Variants in UNK observed in about 807,000 individuals in gnomAD.
The protein encoded by UNK is unk zinc finger, also known as RING finger protein unkempt homolog.
A neutral mutation model predicts 97.6 loss-of-function variants in UNK; 32 were observed. The observed-to-expected ratio is 0.33, with a 90% CI of 0.25 to 0.44. The LOEUF is 0.44. Ranked by LOEUF, UNK falls within the 20% of genes least tolerant of loss-of-function variation. The pLI is 1.00. For synonymous variants in UNK, 441 were observed against 461.2 expected, an observed-to-expected ratio of 0.96 and a Z score of 0.56; for missense variants, 771 against 1,098.4, an observed-to-expected ratio of 0.70 and a Z score of 4.21.
At chr17:75,793,491 G>A (rs1431191875) in intron 1 of UNK, 2 of 985,194 alleles carry the variant, frequency 2.0e-6, no homozygotes, top group African/African-American at 1.7e-5. Context: ...AGGAGAAGAT[G>A]GAAAGGAGTC....
At chr17:75,808,793 CCAGGGG>C (rs1234145885) in intron 1 of UNK, among the ~76,000 whole-genome samples, 2 of 152,060 alleles carry the variant, frequency 1.3e-5, no homozygotes, top group African/African-American at 4.8e-5. Context: ...CCTTCTGGGG[CCAGGGG>C]CAGGGGAGCC....
In UNK at chr17:75,813,071, TG is replaced by T; in HGVS notation, c.623-6del. The T allele has an allele frequency of 6.3e-7, 1 of 1,584,134 alleles. No homozygotes were observed. Among genetic ancestry groups the T allele is most frequent in the Non-Finnish European group, 8.6e-7 (1 of 1,165,046 alleles). Reference sequence around the variant, plus strand: ...ACCTGACCCCTGCCCTCTGGCCCCCTGTGCAGAGACTGCTTATGTGCTGGGG... The same window carrying T: ...ACCTGACCCCTGCCCTCTGGCCCCCTTGCAGAGACTGCTTATGTGCTGGGG... On this transcript the variant is annotated splice_region_variant and splice_polypyrimidine_tract_variant and intron_variant, in intron 4 of 15. Coordinates refer to ENST00000589666, the MANE Select transcript of UNK (RefSeq NM_001080419.3).
rs1242653280 is a variant in UNK at position 75,818,569 on chromosome 17, C to T, written c.1372-73C>T. On this transcript the variant is annotated intron_variant, in intron 10 of 15. Coordinates refer to ENST00000589666, the MANE Select transcript of UNK (RefSeq NM_001080419.3). The surrounding 1 kb of genome is among the most constrained non-coding windows in gnomAD (Gnocchi z 5.1). The stretch of plus-strand genomic sequence containing the variant: ...CGGGCCATTTCCCTTGCCCCCAGCC[C>T]CTCTCCAGCCTCTCGTCCTGGCCTC... The T allele has an allele frequency of 4.7e-6, 7 of 1,495,438 alleles. No individual in the cohort carries two copies. The South Asian group carries it at 5.3e-5, about 11-fold the overall frequency. 92.6% of individuals were successfully genotyped at this position (1,495,438 alleles called of 1,614,324 possible).
At chr17:75,805,810 ATGTGTGTGTGTGTGTG>A (rs61000364) in intron 1 of UNK, among the ~76,000 whole-genome samples, 9 of 145,402 alleles carry the variant, frequency 6.2e-5, no homozygotes, top group East Asian at 2.1e-4. Context: ...AAAAAGAAAA[ATGTGTGTGTGTGTGTG>A]TGTGTGTGTG....
chr17:75,792,531 T>C, intron 1 of UNK: 1 of 963,632 alleles, frequency 1.0e-6, no homozygotes, highest in Non-Finnish European at 1.2e-6. Flanking sequence ...TTAGCCTAAT[T>C]GCTAACAATG....
intron 13 of UNK, 142 bp from the exon 14 acceptor site, chr17:75,822,335 C>T: frequency 9.4e-7 from 1 of 1,066,112 alleles, no homozygotes; most frequent in Non-Finnish European, 1.3e-6. Flanking sequence ...CCTGTCCCTG[C>T]AAAATTCTCT....
chr17:75,803,746 C>G (rs2061884913), intron 1 of UNK, among the ~76,000 whole-genome samples: 1 of 152,176 alleles, frequency 6.6e-6, no homozygotes, highest in African/African-American at 2.4e-5. Flanking sequence ...CTGATGTGCC[C>G]TGCCGCGCAG....
intron 13 of UNK, 23 bp downstream of exon 13, chr17:75,820,131 CAGG>C: frequency 6.3e-7 from 1 of 1,591,198 alleles, no homozygotes; most frequent in Non-Finnish European, 8.6e-7. Context: ...GTGGTTCACT[CAGG>C]AGAACTGGGG....
rs199715367 is a variant in UNK, at chr17:75,812,608, C to T, written c.622+23C>T. 2.9e-3 allele frequency: 4,632 copies of T among 1,608,128 alleles called. 13 individuals carry two copies. Among genetic ancestry groups the T allele is most frequent in the Non-Finnish European group, 3.7e-3 (4,387 of 1,177,540 alleles). ...AAGGTACAGGCATCCACACCTCGGCCGCGCCCTCCCTATAATCCTGCTCAT... is the reference window on the plus strand; with the variant it reads ...AAGGTACAGGCATCCACACCTCGGCTGCGCCCTCCCTATAATCCTGCTCAT... On this transcript the variant is annotated intron_variant, in intron 4 of 15. Transcript: ENST00000589666.
At chr17:75,793,399 T>G in intron 1 of UNK, 1 of 984,682 alleles carries the variant, frequency 1.0e-6, no homozygotes. Context: ...TTTTATTATT[T>G]CTCTATAAAA....
intron 5 of UNK, 87 bp downstream of exon 5, chr17:75,813,300 A>T (rs2061987282): frequency 6.8e-7 from 1 of 1,470,540 alleles, no homozygotes; most frequent in Admixed American, 2.3e-5. Context: ...GCTCTCCGGG[A>T]GGAGGGGAGG....
At chr17:75,808,939 C>G (rs907769376) in intron 1 of UNK, 3 of 152,182 alleles carry the variant, frequency 2.0e-5, no homozygotes, top group African/African-American at 7.2e-5. Flanking sequence ...TTGGCTGTTA[C>G]ACATGCAGGG....
At chr17:75,806,045 G>C (rs937188405) in intron 1 of UNK, among the ~76,000 whole-genome samples, 2 of 150,610 alleles carry the variant, frequency 1.3e-5, no homozygotes, top group Middle Eastern at 3.2e-3. Context: ...AGAGATTGCA[G>C]TGAGCTGAGA....
chr17:75,786,811 C>T (rs2061716358), intron 1 of UNK, among the ~76,000 whole-genome samples: 2 of 152,054 alleles, frequency 1.3e-5, no homozygotes, highest in South Asian at 2.1e-4. Flanking sequence ...GAGCCGAGAT[C>T]GTGCCACTGC....
intron 1 of UNK, chr17:75,785,964 C>G (rs1331875849): frequency 1.3e-5 from 2 of 152,198 alleles, no homozygotes; most frequent in Non-Finnish European, 2.9e-5. Flanking sequence ...TTAAGTTGTT[C>G]AGTGAACGAA....
Position 75,815,254 on chromosome 17 carries a change from G to A in UNK, c.961+1G>A. ...TTCTGCGCCTTTGCCCACGTAGAAC[G>A]TATGCTGTTCCCATTGCCCCGGGGC... On this transcript the variant is annotated splice_donor_variant, in intron 7 of 15. Transcript: ENST00000589666. LOFTEE classifies it high-confidence loss of function. The A allele has an allele frequency of 6.2e-7, 1 of 1,612,360 alleles. No homozygotes were observed.
At position 75,824,078 on chromosome 17, in the gene UNK, A is replaced by G. The variant is rs1338574639; in HGVS notation, c.2278-184A>G. Among the ~76,000 whole-genome samples, 1 of 151,942 alleles carries G rather than the reference A, an allele frequency of 6.6e-6. No homozygotes were observed. The highest frequency in any genetic ancestry group is 1.5e-5 in the Non-Finnish European group (1 of 67,970). On this transcript the variant is annotated intron_variant, in intron 15 of 15. Transcript: ENST00000589666. This position sits in a 1 kb window ranked among gnomAD's most constrained non-coding sequence, Gnocchi z 4.9. The stretch of plus-strand genomic sequence containing the variant: ...GGGTGGGTCTTGTGGCAGCCTGGCC[A>G]TGCCCCATGCAGAGGTGGACTCAGC...
chr17:75,824,491 T>A lies in UNK; in HGVS notation c.*74T>A. On this transcript the variant is annotated 3_prime_UTR_variant, in exon 16 of 16. Transcript: ENST00000589666. The surrounding 1 kb of genome is among the most constrained non-coding windows in gnomAD (Gnocchi z 4.9). Reference sequence around the variant, plus strand: ...TTTAAAGTATATATATATATATGAATATATATATATATGTGTATGTATGTA... The same window carrying A: ...TTTAAAGTATATATATATATATGAAAATATATATATATGTGTATGTATGTA... 11 of 536,664 alleles carry A rather than the reference T, an allele frequency of 2.0e-5. No individual in the cohort carries two copies. Among genetic ancestry groups the A allele is most frequent in the Non-Finnish European group, 2.3e-5 (9 of 394,456 alleles). 33.2% of individuals were successfully genotyped at this position (536,664 alleles called of 1,614,324 possible).
At position 75,784,807 on chromosome 17, in the gene UNK, C is replaced by T. The variant is rs376773187; in HGVS notation, c.-74C>T. ...ACGTTCTCGTGGCGCGGCGCAGGCG[C>T]ACTGGGTCCTCGGCGCGGACCGCGC... On this transcript the variant is annotated 5_prime_UTR_variant, in exon 1 of 16. Transcript: ENST00000589666. 1.6e-5 allele frequency: 23 copies of T among 1,444,950 alleles called. No homozygotes were observed. In the African/African-American group the frequency reaches 3.1e-4, roughly 19 times the overall value. 89.5% of individuals were successfully genotyped at this position (1,444,950 alleles called of 1,614,324 possible).
Sources: allele counts gnomAD v4.1 joint callset (sites outside exome capture counted in the v4.1 genomes callset), GRCh38; gene constraint gnomAD v4.1.1; non-coding constraint Gnocchi (gnomAD v3.1); transcripts MANE v1.5; gene names NCBI Gene and HGNC (gene_info 2026-07-23, HGNC 2026-07-21).